ZNF699: variants seen among roughly 807,000 people sequenced by gnomAD.
ZNF699 encodes the protein zinc finger protein 699.
Under a neutral mutation model 22.5 loss-of-function variants are expected in ZNF699, and 18 were observed. That is an observed-to-expected ratio of 0.80 (90% CI 0.55 to 1.19). The LOEUF is 1.19. Ranked by LOEUF, ZNF699 falls within the 50% of genes most tolerant of loss-of-function variation. The probability of loss-of-function intolerance (pLI) is 0.00; values close to 1 mark genes in which losing one functional copy is unlikely to be tolerated. For synonymous variants in ZNF699, 241 were observed against 262.3 expected, an observed-to-expected ratio of 0.92 and a Z score of 0.78; for missense variants, 670 against 763.4, an observed-to-expected ratio of 0.88 and a Z score of 1.44.
At position 9,296,308 on chromosome 19, in the gene ZNF699, T is replaced by C. The variant is rs999130027; in HGVS notation, c.1096A>G (p.Lys366Glu). The change falls in exon 6 of 6, where the codon AAA (lysine) becomes GAA (glutamate). Residue 366 changes from lysine (K) to glutamate (E), a missense_variant. By Grantham distance (56) the Lys-to-Glu change is moderately conservative (BLOSUM62 1). Transcript: ENST00000591998. ...IHTGEKPYEC[K>E]ECGKAFSESS... The stretch of plus-strand genomic sequence containing the variant: ...TCGCTGAAGGCCTTCCCACACTCTT[T>C]ACATTCATAAGGCTTCTCTCCAGTG... The C allele has an allele frequency of 5.6e-6, 9 of 1,613,924 alleles. No homozygotes were observed. The highest frequency in any genetic ancestry group is 7.6e-6 in the Non-Finnish European group (9 of 1,179,944).
At position 9,296,751 on chromosome 19, in the gene ZNF699, G is replaced by A. The variant is rs765844296; in HGVS notation, c.653C>T (p.Thr218Ile). ...SSLKSHIRSH[T>I]GSKPYQCKEC... is the part of the protein sequence containing the mutation. ...CTTGCACTGATAGGGTTTGCTTCCA[G>A]TATGAGACCTGATGTGACTCTTAAG... is the stretch of plus-strand genomic sequence containing the variant. The change falls in exon 6 of 6, where the codon ACT (threonine) becomes ATT (isoleucine). Residue 218 changes from threonine to isoleucine, a missense_variant. Thr to Ile is a moderately conservative substitution (Grantham distance 89). Coordinates refer to ENST00000591998, the MANE Select transcript of ZNF699 (RefSeq NM_198535.3). 2 of 1,614,118 alleles carry A rather than the reference G, an allele frequency of 1.2e-6. No homozygotes were observed. Among genetic ancestry groups the A allele is most frequent in the East Asian group, 4.5e-5 (2 of 44,882 alleles).
At chr19:9,302,554 G>A (rs1271349481) in intron 2 of ZNF699, 50 bp from the exon 3 acceptor site, 3 of 1,541,104 alleles carry the variant, frequency 1.9e-6, no homozygotes, top group Non-Finnish European at 2.6e-6. Flanking sequence ...CCTCCAATGT[G>A]TACAAGAGGA....
At position 9,293,780 on chromosome 19, in the gene ZNF699, TAAAA is replaced by T. The variant is rs2066274790; in HGVS notation, c.*1691_*1694del. Among the ~76,000 whole-genome samples the T allele has an allele frequency of 6.6e-6, 1 of 151,988 alleles. No individual in the cohort carries two copies. Among genetic ancestry groups the T allele is most frequent in the Non-Finnish European group, 1.5e-5 (1 of 67,998 alleles). ...GCATGTTAGTATATGTATAATAAAA[TAAAA>T]AGTGATTATGGGGAAATAGTAGAGT... On this transcript the variant is annotated 3_prime_UTR_variant, in exon 6 of 6. Coordinates refer to ENST00000591998, the MANE Select transcript of ZNF699 (RefSeq NM_198535.3).
chr19:9,297,943 C>G lies in ZNF699; in HGVS notation c.223G>C (p.Glu75Gln). ...PHLISQWEQE[E>Q]DLQTVKRELI... ...TCTCTCTTCACTGTCTGCAGGTCCT[C>G]CTCTTGTTCCCACTGGGAGATCAGA... Residue 75 changes from glutamate to glutamine, a missense_variant, in exon 4 of 6, where the codon GAG (glutamate) becomes CAG (glutamine). Physicochemically the swap from Glu to Gln is conservative, Grantham distance 29. Transcript: ENST00000591998. This position sits in a 1 kb window ranked among gnomAD's most constrained non-coding sequence, Gnocchi z 4.3. The G allele has an allele frequency of 6.2e-7, 1 of 1,613,712 alleles. No homozygotes were observed. The highest frequency in any genetic ancestry group is 8.5e-7 in the Non-Finnish European group (1 of 1,179,962).
intron 2 of ZNF699, 87 bp downstream of exon 2, chr19:9,304,985 A>C: frequency 1.0e-5 from 11 of 1,066,308 alleles, no homozygotes; most frequent in East Asian, 4.8e-5. Flanking sequence ...CAATACAGAA[A>C]GAGATTGCTG....
intron 3 of ZNF699, among the ~76,000 whole-genome samples, 185 bp downstream of exon 3, chr19:9,302,193 G>A (rs757181057): frequency 5.9e-5 from 9 of 152,094 alleles, no homozygotes; most frequent in African/African-American, 9.7e-5. Flanking sequence ...TGAGCACTGC[G>A]CCCGGCCCAG....
At chr19:9,305,672 AG>A (rs932446087) in intron 1 of ZNF699, among the ~76,000 whole-genome samples, 14 of 151,766 alleles carry the variant, frequency 9.2e-5, no homozygotes, top group African/African-American at 2.4e-4. Context: ...CATGAGCTGC[AG>A]GGTTCCCCAA....
rs115648032 is a variant in ZNF699 at position 9,301,315 on chromosome 19, G to A, written c.175+1063C>T. ...GAGACTTAGACACACAGGCAAGAAG[G>A]AGAAGGCAGAGAATGGAATGATGCA... On this transcript the variant is annotated intron_variant, in intron 3 of 5. Transcript: ENST00000591998. Among the ~76,000 whole-genome samples the A allele has an allele frequency of 7.0e-3, 1,058 of 152,152 alleles. 8 individuals carry two copies. Among genetic ancestry groups the A allele is most frequent in the African/African-American group, 0.024 (995 of 41,482 alleles).
chr19:9,292,585 G>A lies in ZNF699; in HGVS notation c.*2890C>T, dbSNP rs528097825. Among the ~76,000 whole-genome samples, 1 of 152,174 alleles carries A rather than the reference G, an allele frequency of 6.6e-6. No homozygotes were observed. Among genetic ancestry groups the A allele is most frequent in the African/African-American group, 2.4e-5 (1 of 41,502 alleles). On this transcript the variant is annotated 3_prime_UTR_variant, in exon 6 of 6. Transcript: ENST00000591998. ...CAGGATTTAGCCATGTCTGAAGCTC[G>A]TTATACCCAAGGACTTTTTAGTAAT...
At chr19:9,304,176 C>A (rs777707922) in intron 2 of ZNF699, among the ~76,000 whole-genome samples, 3 of 151,972 alleles carry the variant, frequency 2.0e-5, no homozygotes, top group Non-Finnish European at 4.4e-5. Flanking sequence ...CTTATGATGG[C>A]CTAGAAAAGT....
chr19:9,304,707 C>T (rs1377737574), intron 2 of ZNF699, among the ~76,000 whole-genome samples: 1 of 152,100 alleles, frequency 6.6e-6, no homozygotes, highest in Admixed American at 6.5e-5. Flanking sequence ...GGACAGATCA[C>T]GAGGTCAGGA....
rs61471638 is a variant in ZNF699, at chr19:9,309,136, CTTTTTTTT to C, written c.-6+206_-6+213del. On this transcript the variant is annotated intron_variant, in intron 1 of 5. Coordinates refer to ENST00000591998, the MANE Select transcript of ZNF699 (RefSeq NM_198535.3). ...ACACAGGAGAGCACCTTTTATTTTA[CTTTTTTTT>C]TTTTTTTTTTTTTTGGTAGAGACGG... Among the ~76,000 whole-genome samples, 552 of 104,834 alleles carry C rather than the reference CTTTTTTTT, an allele frequency of 5.3e-3. 2 individuals carry two copies. The highest frequency in any genetic ancestry group is 7.9e-3 in the Non-Finnish European group (407 of 51,280). 68.8% of individuals were successfully genotyped at this position (104,834 alleles called of 152,430 possible). A position where few individuals can be genotyped will look rare whatever the true frequency, so the allele number is the denominator to read the frequency against.
intron 2 of ZNF699, among the ~76,000 whole-genome samples, chr19:9,303,801 G>T (rs1430952895): frequency 6.6e-6 from 1 of 151,836 alleles, no homozygotes; most frequent in African/African-American, 2.4e-5. Flanking sequence ...TAGGAAATAG[G>T]ATGAAAACCA....
chr19:9,303,403 C>T (rs2066315173), intron 2 of ZNF699, among the ~76,000 whole-genome samples: 1 of 152,188 alleles, frequency 6.6e-6, no homozygotes, highest in Admixed American at 6.5e-5. Context: ...GAACAACTCA[C>T]AGAACTCAGG....
rs750846749 is a variant in ZNF699 at position 9,296,062 on chromosome 19, C to G, written c.1342G>C (p.Glu448Gln). Residue 448 changes from glutamate (E) to glutamine (Q), a missense_variant, in exon 6 of 6, where the codon GAA becomes CAA. By Grantham distance (29) the Glu-to-Gln change is conservative. Coordinates refer to ENST00000591998, the MANE Select transcript of ZNF699 (RefSeq NM_198535.3). ...VKNQSREKPY[E>Q]CKECGKAFSC... is the part of the protein sequence containing the mutation. ...AAGGCCTTCCCACATTCCTTACATT[C>G]ATAGGGTTTCTCTCGACTTTGATTT... 1 of 1,613,726 alleles carries G rather than the reference C, an allele frequency of 6.2e-7. No homozygotes were observed. The highest frequency in any genetic ancestry group is 8.5e-7 in the Non-Finnish European group (1 of 1,179,912).
chr19:9,299,438 A>C (rs2066299149), intron 3 of ZNF699, among the ~76,000 whole-genome samples: 1 of 151,948 alleles, frequency 6.6e-6, no homozygotes, highest in African/African-American at 2.4e-5. Context: ...CTGGCCTGAC[A>C]TTTTTAATTT....
chr19:9,305,087 C>G lies in ZNF699; in HGVS notation c.33G>C (p.Gln11His). 2 of 1,613,354 alleles carry G rather than the reference C, an allele frequency of 1.2e-6. No individual in the cohort carries two copies. Among genetic ancestry groups the G allele is most frequent in the South Asian group, 1.1e-5 (1 of 91,060 alleles). Residue 11 changes from glutamine (Q) to histidine (H), a missense_variant, in exon 2 of 6, where the codon CAG becomes CAC. By Grantham distance (24) the Gln-to-His change is conservative (BLOSUM62 0). Transcript: ENST00000591998. ...TTTTACTTACCTGTATTCTATTTTT[C>G]TGTAACTCAGCAGTTTTTCTTTCTT... MEEERKTAEL[Q>H]KNRIQDSVVF...
At chr19:9,299,445 A>AT (rs1261146786) in intron 3 of ZNF699, among the ~76,000 whole-genome samples, 10 of 149,876 alleles carry the variant, frequency 6.7e-5, no homozygotes, top group Admixed American at 2.0e-4. Context: ...GACATTTTTA[A>AT]TTTTTTTTTT....
intron 1 of ZNF699, among the ~76,000 whole-genome samples, chr19:9,307,144 T>C (rs1000316447): frequency 1.3e-5 from 2 of 152,152 alleles, no homozygotes; most frequent in African/African-American, 4.8e-5. Flanking sequence ...GAGGTTGCAG[T>C]AAGCCGAAAT....
Sources: allele counts gnomAD v4.1 joint callset (sites outside exome capture counted in the v4.1 genomes callset), GRCh38; gene constraint gnomAD v4.1.1; non-coding constraint Gnocchi (gnomAD v3.1); transcripts MANE v1.5; gene names NCBI Gene and HGNC (gene_info 2026-07-23, HGNC 2026-07-21).